Variants in DMD observed in about 807,000 individuals in gnomAD.
The protein encoded by DMD is mutant dystrophin.
Under a neutral mutation model 330.1 loss-of-function variants are expected in DMD, and 63 were observed. The ratio of observed to expected loss-of-function variants is 0.19; its 90% CI spans 0.16 to 0.24. The LOEUF (loss-of-function observed/expected upper bound fraction) is 0.24, where lower values mean the gene tolerates loss of function less well. Among genes scored for constraint, DMD ranks in the 10% least tolerant of loss-of-function variants. The probability of loss-of-function intolerance (pLI) is 1.00; values close to 1 mark genes in which losing one functional copy is unlikely to be tolerated. For synonymous variants in DMD, 1,223 were observed against 959.8 expected, an observed-to-expected ratio of 1.27 and a Z score of -5.07; for missense variants, 3,344 against 2,684.1, an observed-to-expected ratio of 1.25 and a Z score of -5.43.
chrX:31,611,083 A>AT (rs35681066), intron 55 of DMD, among the ~76,000 whole-genome samples: 20,354 of 100,254 alleles, frequency 0.2, 2,214 homozygotes, highest in African/African-American at 0.38. Context: ...TTGCAGAATC[A>AT]TTTTTTTTTT....
At chrX:32,608,912 T>C (rs2056945565) in intron 12 of DMD, among the ~76,000 whole-genome samples, 1 of 110,943 alleles carries the variant, frequency 9.0e-6, no homozygotes, top group Non-Finnish European at 1.9e-5. Context: ...CAACATGTAA[T>C]TTTAACCTTG....
intron 50 of DMD, among the ~76,000 whole-genome samples, chrX:31,814,400 G>A (rs1045172544): frequency 4.0e-5 from 4 of 98,824 alleles, no homozygotes; most frequent in Non-Finnish European, 6.0e-5. Flanking sequence ...GGAGAATGGC[G>A]TGAACCCGGG....
chrX:32,319,393 C>G, intron 41 of DMD, among the ~76,000 whole-genome samples: 1 of 111,248 alleles, frequency 9.0e-6, no homozygotes, highest in South Asian at 3.7e-4. Context: ...ACCTAGCATA[C>G]AGTATGTTAT....
At chrX:31,738,779 A>G (rs1191631915) in intron 51 of DMD, among the ~76,000 whole-genome samples, 1 of 112,227 alleles carries the variant, frequency 8.9e-6, no homozygotes, top group Non-Finnish European at 1.9e-5. Context: ...CTGCAACAAC[A>G]TTGTTGGAAA....
At chrX:32,151,352 T>C (rs1305309632) in intron 44 of DMD, 3 of 111,343 alleles carry the variant, frequency 2.7e-5, no homozygotes, top group Non-Finnish European at 5.7e-5. Flanking sequence ...AGTTCTCTAG[T>C]TATATACTTG....
intron 60 of DMD, among the ~76,000 whole-genome samples, chrX:31,393,971 A>G (rs2060802191): frequency 1.8e-5 from 2 of 112,683 alleles, no homozygotes; most frequent in South Asian, 7.3e-4. Flanking sequence ...TGATGATACT[A>G]TCAACATTTT....
intron 74 of DMD, among the ~76,000 whole-genome samples, chrX:31,162,655 G>A (rs1434290426): frequency 9.0e-6 from 1 of 110,908 alleles, no homozygotes; most frequent in African/African-American, 3.3e-5. Context: ...AATAGATCTA[G>A]TATTTGCACT....
At chrX:32,540,052 A>T (rs920426748) in intron 17 of DMD, among the ~76,000 whole-genome samples, 16 of 111,897 alleles carry the variant, frequency 1.4e-4, no homozygotes, top group Non-Finnish European at 3.0e-4. Flanking sequence ...TTTGCCATTC[A>T]TTCTGCCTGG....
At chrX:31,579,647 T>C (rs1357099866) in intron 55 of DMD, among the ~76,000 whole-genome samples, 1 of 112,415 alleles carries the variant, frequency 8.9e-6, no homozygotes, top group African/African-American at 3.2e-5. Flanking sequence ...TTTGTGGGAA[T>C]TATCACTTAA....
intron 2 of DMD, among the ~76,000 whole-genome samples, chrX:32,882,564 A>T (rs1164221708): frequency 8.9e-6 from 1 of 112,001 alleles, no homozygotes; most frequent in Non-Finnish European, 1.9e-5. Context: ...GTTTTCTACT[A>T]CTTTTATAAA....
At chrX:32,299,058 C>T (rs1026898824) in intron 42 of DMD, among the ~76,000 whole-genome samples, 8 of 109,721 alleles carry the variant, frequency 7.3e-5, no homozygotes, top group African/African-American at 2.7e-4. Context: ...AAATATGTAT[C>T]GGGAAATCCA....
chrX:32,249,851 G>T (rs866469315), intron 43 of DMD, among the ~76,000 whole-genome samples: 1 of 111,503 alleles, frequency 9.0e-6, no homozygotes, highest in Middle Eastern at 4.6e-3. Context: ...AGGATAACCT[G>T]TCCTCAGAGA....
intron 37 of DMD, among the ~76,000 whole-genome samples, chrX:32,361,239 T>C (rs767061190): frequency 7.1e-5 from 8 of 111,900 alleles, no homozygotes; most frequent in African/African-American, 2.6e-4. Context: ...GCCATTGATA[T>C]CTTTAGAAGT....
At chrX:32,524,519 A>G (rs1367939317) in intron 17 of DMD, among the ~76,000 whole-genome samples, 2 of 112,150 alleles carry the variant, frequency 1.8e-5, no homozygotes, top group Admixed American at 9.4e-5. Context: ...TTTTAAGAGG[A>G]TAATCAAAAA....
At chrX:31,549,995 C>T (rs915738653) in intron 55 of DMD, among the ~76,000 whole-genome samples, 6 of 112,026 alleles carry the variant, frequency 5.4e-5, no homozygotes, top group African/African-American at 1.6e-4. Context: ...AACTACTCAG[C>T]AGGTAAAAAC....
At chrX:33,010,018 ATATGTGTG>A (rs2093640231) in intron 2 of DMD, among the ~76,000 whole-genome samples, 1 of 67,910 alleles carries the variant, frequency 1.5e-5, no homozygotes, top group African/African-American at 4.9e-5. Flanking sequence ...GTATATACAC[ATATGTGTG>A]TACATGTGTA....
At chrX:33,162,013 C>G (rs2048794519) in intron 1 of DMD, among the ~76,000 whole-genome samples, 1 of 111,482 alleles carries the variant, frequency 9.0e-6, no homozygotes, top group African/African-American at 3.3e-5. Context: ...ATGATCTGGA[C>G]AGTGAGAGTT....
At chrX:32,943,813 T>C (rs2146844849) in intron 2 of DMD, among the ~76,000 whole-genome samples, 1 of 112,414 alleles carries the variant, frequency 8.9e-6, no homozygotes, top group East Asian at 2.8e-4. Context: ...ATTTTTATTT[T>C]CATTATTTGG....
intron 55 of DMD, among the ~76,000 whole-genome samples, chrX:31,618,770 C>A (rs1359876503): frequency 8.9e-6 from 1 of 111,807 alleles, no homozygotes; most frequent in Non-Finnish European, 1.9e-5. Context: ...ACATGATTCT[C>A]AAAGTAAATG....
Sources: allele counts gnomAD v4.1 joint callset (sites outside exome capture counted in the v4.1 genomes callset), GRCh38; gene constraint gnomAD v4.1.1; transcripts MANE v1.5; gene names NCBI Gene and HGNC (gene_info 2026-07-23, HGNC 2026-07-21).